MAD1L1: variants seen among roughly 807,000 people sequenced by gnomAD.
MAD1L1 encodes mitotic arrest deficient 1 like 1, also known as mitotic spindle assembly checkpoint protein MAD1.
A neutral mutation model predicts 96.9 loss-of-function variants in MAD1L1; 95 were observed. That is an observed-to-expected ratio of 0.98 (90% CI 0.83 to 1.16). The LOEUF (loss-of-function observed/expected upper bound fraction) is 1.16, where lower values mean the gene tolerates loss of function less well. MAD1L1 is among the 50% of genes most tolerant of loss of function. MAD1L1 has a pLI of 0.00. For synonymous variants in MAD1L1, 473 were observed against 396.6 expected, an observed-to-expected ratio of 1.19 and a Z score of -2.29; for missense variants, 1,007 against 954.4, an observed-to-expected ratio of 1.06 and a Z score of -0.73.
intron 18 of MAD1L1, among the ~76,000 whole-genome samples, chr7:1,857,432 C>T (rs115802584): frequency 0.013 from 1,974 of 152,318 alleles, 39 homozygotes; most frequent in African/African-American, 0.045. Context: ...CCATGACCCA[C>T]AGTCAGGCCT....
intron 11 of MAD1L1, among the ~76,000 whole-genome samples, chr7:2,085,166 C>T (rs4721384): frequency 0.039 from 5,894 of 152,276 alleles, 193 homozygotes; most frequent in East Asian, 0.089. Flanking sequence ...GTCTCAGAAC[C>T]GTAACTCCAC....
intron 15 of MAD1L1, among the ~76,000 whole-genome samples, chr7:1,971,979 G>A (rs1780424633): frequency 6.6e-6 from 1 of 152,190 alleles, no homozygotes; most frequent in Non-Finnish European, 1.5e-5. Flanking sequence ...AACGTACAAG[G>A]AGGTCCGTGT....
chr7:1,933,409 C>T (rs1037746063), intron 17 of MAD1L1, among the ~76,000 whole-genome samples: 1 of 152,176 alleles, frequency 6.6e-6, no homozygotes, highest in Admixed American at 6.5e-5. Flanking sequence ...CTGCAGGGCA[C>T]GTGGCGGGGG....
intron 11 of MAD1L1, among the ~76,000 whole-genome samples, chr7:2,124,512 G>T (rs1389876235): frequency 6.6e-6 from 1 of 152,154 alleles, no homozygotes; most frequent in South Asian, 2.1e-4. Flanking sequence ...GGGGACAGCC[G>T]GCCTGCATGT....
chr7:2,227,829 C>T (rs912187177), intron 3 of MAD1L1, among the ~76,000 whole-genome samples: 3 of 152,208 alleles, frequency 2.0e-5, no homozygotes, highest in South Asian at 4.1e-4. Flanking sequence ...GGGGCACGAC[C>T]GGCAGGGACC....
At chr7:1,984,972 C>T (rs776803422) in intron 14 of MAD1L1, among the ~76,000 whole-genome samples, 5 of 152,160 alleles carry the variant, frequency 3.3e-5, no homozygotes, top group Non-Finnish European at 7.3e-5. Flanking sequence ...TGTTTCACAC[C>T]GATACTTTCC....
At chr7:2,018,918 C>T (rs1016936987) in intron 12 of MAD1L1, among the ~76,000 whole-genome samples, 3 of 152,212 alleles carry the variant, frequency 2.0e-5, no homozygotes, top group Non-Finnish European at 2.9e-5. Context: ...TTCCCAAGCC[C>T]ATCCCACCTC....
chr7:1,870,821 CGA>C (rs1464493793), intron 18 of MAD1L1, among the ~76,000 whole-genome samples: 44,194 of 102,632 alleles, frequency 0.43, 16,441 homozygotes, highest in African/African-American at 0.57. Flanking sequence ...CACGCTGAAC[CGA>C]CCATAACACC....
chr7:2,215,151 G>A (rs1793195013), intron 9 of MAD1L1, among the ~76,000 whole-genome samples: 1 of 152,156 alleles, frequency 6.6e-6, no homozygotes, highest in South Asian at 2.1e-4. Flanking sequence ...GGCTGAGGAG[G>A]GTGGATCACG....
chr7:1,891,959 A>T (rs59440697), intron 18 of MAD1L1, among the ~76,000 whole-genome samples: 2,991 of 152,232 alleles, frequency 0.02, 98 homozygotes, highest in African/African-American at 0.069. Flanking sequence ...TATAGTCTCC[A>T]GTTGTGCACA....
At chr7:1,836,587 G>C (rs930633987) in intron 18 of MAD1L1, among the ~76,000 whole-genome samples, 1 of 152,080 alleles carries the variant, frequency 6.6e-6, no homozygotes, top group Non-Finnish European at 1.5e-5. Context: ...ACATTGCTGA[G>C]AGAAACTGTT....
At chr7:2,168,356 G>A (rs1231395601) in intron 10 of MAD1L1, among the ~76,000 whole-genome samples, 2 of 152,338 alleles carry the variant, frequency 1.3e-5, no homozygotes, top group East Asian at 3.9e-4. Context: ...CAAAGGCAAT[G>A]TGGGAACAAA....
intron 7 of MAD1L1, 68 bp from the exon 8 acceptor site, chr7:2,216,355 G>A (rs954718516): frequency 1.9e-5 from 28 of 1,513,054 alleles, no homozygotes; most frequent in Admixed American, 1.6e-4. Context: ...AAAATCACAC[G>A]CACACGGCTA....
chr7:2,077,613 G>A (rs778167332), intron 11 of MAD1L1, among the ~76,000 whole-genome samples: 1 of 152,362 alleles, frequency 6.6e-6, no homozygotes, highest in African/African-American at 2.4e-5. Flanking sequence ...GCGACCCAGC[G>A]GGGAGCAGTG....
intron 10 of MAD1L1, among the ~76,000 whole-genome samples, chr7:2,196,193 C>G (rs1023994999): frequency 2.6e-5 from 4 of 152,200 alleles, no homozygotes; most frequent in Non-Finnish European, 4.4e-5. Context: ...TGAGGAAGAA[C>G]GAATGAGACG....
At chr7:1,873,362 G>A (rs1275990528) in intron 18 of MAD1L1, among the ~76,000 whole-genome samples, 5 of 152,156 alleles carry the variant, frequency 3.3e-5, no homozygotes, top group Non-Finnish European at 4.4e-5. Context: ...AAGAGGGTGG[G>A]AGCAGGGGCA....
intron 17 of MAD1L1, among the ~76,000 whole-genome samples, chr7:1,906,022 G>A (rs1186048356): frequency 1.3e-4 from 18 of 136,660 alleles, no homozygotes; most frequent in East Asian, 2.2e-4. Flanking sequence ...TGCACTCCAC[G>A]CTGGGTGACA....
intron 11 of MAD1L1, among the ~76,000 whole-genome samples, chr7:2,106,713 TG>T (rs1466239948): frequency 2.0e-5 from 3 of 152,220 alleles, no homozygotes; most frequent in African/African-American, 7.2e-5. Flanking sequence ...CCGCATGGGC[TG>T]TAGGGCCTCC....
rs568088410 is a variant in MAD1L1, at chr7:1,836,082, C to T, written c.1999-19854G>A. Among the ~76,000 whole-genome samples the T allele has an allele frequency of 1.1e-4, 17 of 152,248 alleles. No individual in the cohort carries two copies. The South Asian group carries it at 2.7e-3, about 24-fold the overall frequency. ...TGCCGCCCAGGCTGGAGTGCAGTGG[C>T]GCAATCTCAGCTCACCACAACCTCC... On this transcript the variant is annotated intron_variant, in intron 18 of 18. Coordinates refer to ENST00000265854, the MANE Select transcript of MAD1L1 (RefSeq NM_001013836.2).
Sources: gnomAD v4.1 joint callset for allele counts (sites outside exome capture counted in the v4.1 genomes callset) on GRCh38, gnomAD v4.1.1 for gene constraint, MANE v1.5 for transcripts, NCBI Gene and HGNC (gene_info 2026-07-23, HGNC 2026-07-21) for gene names.